The following C8orf34 variants were observed in gnomAD, a reference collection of about 807,000 sequenced individuals.
C8orf34 encodes the protein chromosome 8 open reading frame 34.
C8orf34 carries 65 observed loss-of-function variants against 68.3 expected under a neutral mutation model. The observed-to-expected ratio is 0.95, with a 90% CI of 0.78 to 1.17. The LOEUF is 1.17. Among genes scored for constraint, C8orf34 ranks in the 50% most tolerant of loss-of-function variants. The pLI, the probability that C8orf34 is intolerant of heterozygous loss-of-function variation, is 0.00. For synonymous variants in C8orf34, 244 were observed against 241.2 expected, an observed-to-expected ratio of 1.01 and a Z score of -0.11; for missense variants, 664 against 655.4, an observed-to-expected ratio of 1.01 and a Z score of -0.14.
At chr8:68,779,395 A>T (rs1330811445) in intron 11 of C8orf34, among the ~76,000 whole-genome samples, 1 of 152,188 alleles carries the variant, frequency 6.6e-6, no homozygotes, top group East Asian at 1.9e-4. Flanking sequence ...TTCATTTGAG[A>T]TTCCTAACAC....
chr8:68,815,346 GTACACA>G (rs1824777264), intron 12 of C8orf34, among the ~76,000 whole-genome samples: 1 of 147,358 alleles, frequency 6.8e-6, no homozygotes, highest in Non-Finnish European at 1.5e-5. Flanking sequence ...ATATATATGG[GTACACA>G]CATATATATA....
chr8:68,578,837 C>T (rs75514492), intron 7 of C8orf34, among the ~76,000 whole-genome samples: 1,777 of 152,030 alleles, frequency 0.012, 28 homozygotes, highest in African/African-American at 0.041. Flanking sequence ...ATGGCAAAAA[C>T]TTTGCTGAAA....
chr8:68,479,592 A>G (rs548701892), intron 4 of C8orf34, among the ~76,000 whole-genome samples: 2 of 152,324 alleles, frequency 1.3e-5, no homozygotes, highest in South Asian at 2.1e-4. Flanking sequence ...TGGAGCCAAA[A>G]AAACAAATGG....
chr8:68,388,313 G>A (rs1200684752), intron 1 of C8orf34, among the ~76,000 whole-genome samples: 2 of 152,118 alleles, frequency 1.3e-5, no homozygotes, highest in Non-Finnish European at 2.9e-5. Flanking sequence ...TTTCTGCAGA[G>A]CCCCAGTGGA....
chr8:68,552,341 T>C (rs1251578131), intron 7 of C8orf34, among the ~76,000 whole-genome samples: 2 of 152,192 alleles, frequency 1.3e-5, no homozygotes, highest in African/African-American at 4.8e-5. Flanking sequence ...GCAATATCTT[T>C]CCAATTATTT....
At chr8:68,735,722 A>G (rs1399288285) in intron 10 of C8orf34, among the ~76,000 whole-genome samples, 1 of 152,206 alleles carries the variant, frequency 6.6e-6, no homozygotes, top group Non-Finnish European at 1.5e-5. Flanking sequence ...AATACGTAAA[A>G]ATAGTCAGAA....
At chr8:68,451,922 A>G (rs112734057) in intron 3 of C8orf34, among the ~76,000 whole-genome samples, 3,224 of 152,164 alleles carry the variant, frequency 0.021, 51 homozygotes, top group Middle Eastern at 0.034. Context: ...ATAAAGTGAA[A>G]TACAGTAAAG....
At chr8:68,501,097 T>C (rs576790091) in intron 5 of C8orf34, among the ~76,000 whole-genome samples, 1 of 152,320 alleles carries the variant, frequency 6.6e-6, no homozygotes, top group African/African-American at 2.4e-5. Context: ...GTGCCCCTTC[T>C]GCTCTGTGGT....
intron 1 of C8orf34, among the ~76,000 whole-genome samples, chr8:68,349,644 A>C (rs1168448146): frequency 1.3e-5 from 2 of 151,830 alleles, no homozygotes; most frequent in East Asian, 3.9e-4. Flanking sequence ...TTATGGATTC[A>C]ATTTCGGAGC....
At chr8:68,489,368 G>A (rs112789971) in intron 5 of C8orf34, among the ~76,000 whole-genome samples, 141 of 152,260 alleles carry the variant, frequency 9.3e-4, no homozygotes, top group African/African-American at 3.2e-3. Context: ...TATTGTACAG[G>A]TTGCATACAC....
At chr8:68,756,690 T>C (rs1396420830) in intron 10 of C8orf34, among the ~76,000 whole-genome samples, 1 of 152,154 alleles carries the variant, frequency 6.6e-6, no homozygotes, top group Non-Finnish European at 1.5e-5. Context: ...ATTTATAAAT[T>C]GGAAAAATGT....
rs1268982025 is a variant in C8orf34 at position 68,413,689 on chromosome 8, G to A, written c.328-25810G>A. Among the ~76,000 whole-genome samples the A allele has an allele frequency of 2.0e-5, 3 of 152,288 alleles. No individual in the cohort carries two copies. The East Asian group carries it at 5.8e-4, about 29-fold the overall frequency. On this transcript the variant is annotated intron_variant, in intron 1 of 13. Transcript: ENST00000518698. ...CTTGCTTTTATTGACTCTTTCCCCA[G>A]TCAAGTTTACTTCTGTAATTTTTGT...
intron 7 of C8orf34, among the ~76,000 whole-genome samples, chr8:68,564,931 C>T (rs527418044): frequency 5.2e-4 from 79 of 152,170 alleles, no homozygotes; most frequent in East Asian, 1.7e-3. Flanking sequence ...AGGAGGAAGC[C>T]GACTCTGCTG....
chr8:68,813,650 G>C (rs779490784), intron 12 of C8orf34, among the ~76,000 whole-genome samples: 1 of 151,924 alleles, frequency 6.6e-6, no homozygotes, highest in Non-Finnish European at 1.5e-5. Context: ...TCTCTCCATT[G>C]CCCTGTGCCA....
At chr8:68,716,234 T>G (rs993877321) in intron 9 of C8orf34, among the ~76,000 whole-genome samples, 1 of 151,924 alleles carries the variant, frequency 6.6e-6, no homozygotes. Context: ...CAGTGATGGG[T>G]GCACCAAAAT....
rs146659919 is a variant in C8orf34, at chr8:68,623,426, G to A, written c.1106-16950G>A. On this transcript the variant is annotated intron_variant, in intron 7 of 13. Coordinates refer to ENST00000518698, the MANE Select transcript of C8orf34 (RefSeq NM_052958.4). The stretch of plus-strand genomic sequence containing the variant: ...CACTCCCCACCCCACCCTCAGTTAT[G>A]ACAATAGAAAATGTCTCCAGACATT... 2.3e-3 allele frequency among the ~76,000 whole-genome samples: 355 copies of A among 152,146 alleles called. 2 individuals are homozygous for A. The highest frequency in any genetic ancestry group is 8.0e-3 in the African/African-American group (333 of 41,518).
chr8:68,793,731 C>T (rs1475579799), intron 12 of C8orf34, among the ~76,000 whole-genome samples: 1 of 152,236 alleles, frequency 6.6e-6, no homozygotes, highest in African/African-American at 2.4e-5. Context: ...GTGGGATAAT[C>T]TATGCAGCAA....
intron 8 of C8orf34, among the ~76,000 whole-genome samples, chr8:68,686,943 A>C (rs1214900717): frequency 6.6e-6 from 1 of 152,154 alleles, no homozygotes; most frequent in East Asian, 1.9e-4. Flanking sequence ...TACAAAATCA[A>C]TGTACACAAG....
At chr8:68,622,877 T>C (rs1216875412) in intron 7 of C8orf34, among the ~76,000 whole-genome samples, 1 of 152,234 alleles carries the variant, frequency 6.6e-6, no homozygotes, top group Non-Finnish European at 1.5e-5. Flanking sequence ...TAACTGTCTC[T>C]TTCATAGTGT....
Sources: gnomAD v4.1 joint callset for allele counts (sites outside exome capture counted in the v4.1 genomes callset) on GRCh38, gnomAD v4.1.1 for gene constraint, MANE v1.5 for transcripts, NCBI Gene and HGNC (gene_info 2026-07-23, HGNC 2026-07-21) for gene names.